KLF12: variants seen among roughly 807,000 people sequenced by gnomAD.
KLF12 encodes Krueppel-like factor 12.
A neutral mutation model predicts 37.8 loss-of-function variants in KLF12; 9 were observed. That is an observed-to-expected ratio of 0.24 (90% CI 0.14 to 0.42). The LOEUF (loss-of-function observed/expected upper bound fraction) is 0.42, where lower values mean the gene tolerates loss of function less well. Ranked by LOEUF, KLF12 falls within the 10% of genes least tolerant of loss-of-function variation. The probability of loss-of-function intolerance (pLI) is 1.00; values close to 1 mark genes in which losing one functional copy is unlikely to be tolerated. For synonymous variants in KLF12, 208 were observed against 202.1 expected (o/e 1.03, Z -0.25); for missense variants, 411 against 516.0 (o/e 0.80, Z 1.97).
chr13:74,098,033 A>AC (rs1027036872), intron 1 of KLF12, among the ~76,000 whole-genome samples: 4 of 152,186 alleles, frequency 2.6e-5, no homozygotes, highest in Admixed American at 1.3e-4. Context: ...ACTAGCCTCG[A>AC]CTATCAAATA....
At chr13:74,135,695 G>A (rs1878530087), upstream of KLF12, among the ~76,000 whole-genome samples, 2 of 151,968 alleles carry the variant, frequency 1.3e-5, no homozygotes, top group African/African-American at 4.8e-5. Context: ...GTATTCCCCT[G>A]CCCCGCGCCC....
intron 1 of KLF12, among the ~76,000 whole-genome samples, chr13:74,012,063 C>T (rs2138370899): frequency 6.6e-6 from 1 of 152,260 alleles, no homozygotes; most frequent in Non-Finnish European, 1.5e-5. Context: ...TCCCCAAAGA[C>T]ATGTTTTCTT....
chr13:74,095,637 C>T (rs147710042), intron 1 of KLF12, among the ~76,000 whole-genome samples: 68 of 152,346 alleles, frequency 4.5e-4, no homozygotes, highest in South Asian at 3.7e-3. Flanking sequence ...GATCCTCCCA[C>T]CTCAGCCTCC....
chr13:74,027,250 G>C (rs74617267), intron 1 of KLF12, among the ~76,000 whole-genome samples: 1,874 of 152,118 alleles, frequency 0.012, 28 homozygotes, highest in Non-Finnish European at 0.014. Context: ...AAAGTGTAAA[G>C]CTACTTCTTT....
At chr13:74,230,508 C>G in the KLF12 span, among the ~76,000 whole-genome samples, 9 of 152,142 alleles carry the variant, frequency 5.9e-5, no homozygotes, top group Non-Finnish European at 1.2e-4. Flanking sequence ...CATCAATTAC[C>G]TGGCAAAAAT....
At chr13:74,301,264 C>G in the KLF12 span, among the ~76,000 whole-genome samples, 3 of 152,070 alleles carry the variant, frequency 2.0e-5, no homozygotes, top group African/African-American at 7.2e-5. Flanking sequence ...CAATGTGAAC[C>G]CAGAAAAATC....
At chr13:74,150,199 T>G in the KLF12 span, among the ~76,000 whole-genome samples, 1 of 152,224 alleles carries the variant, frequency 6.6e-6, no homozygotes, top group Non-Finnish European at 1.5e-5. Context: ...ATGCTCAATA[T>G]ATATCTACTG....
chr13:73,776,155 T>G (rs1156306999), intron 5 of KLF12, among the ~76,000 whole-genome samples: 1 of 152,230 alleles, frequency 6.6e-6, no homozygotes, highest in Non-Finnish European at 1.5e-5. Context: ...AATGGATTTA[T>G]GTAGGTGTGT....
chr13:73,995,946 C>G (rs1013666681), intron 1 of KLF12, among the ~76,000 whole-genome samples: 1 of 152,194 alleles, frequency 6.6e-6, no homozygotes, highest in African/African-American at 2.4e-5. Context: ...AGAGGGGACA[C>G]ACCCTGGAGT....
At chr13:73,854,787 A>G (rs1402840566) in intron 3 of KLF12, among the ~76,000 whole-genome samples, 1 of 152,224 alleles carries the variant, frequency 6.6e-6, no homozygotes, top group Non-Finnish European at 1.5e-5. Context: ...ATACAATGTG[A>G]ACAGTTGTCA....
At chr13:74,004,996 G>C (rs1040246492) in intron 1 of KLF12, among the ~76,000 whole-genome samples, 1 of 151,012 alleles carries the variant, frequency 6.6e-6, no homozygotes, top group African/African-American at 2.4e-5. Context: ...CTTTGATAAC[G>C]TCTTTAAAAT....
the KLF12 span, among the ~76,000 whole-genome samples, chr13:74,277,663 T>A: frequency 6.6e-6 from 1 of 152,156 alleles, no homozygotes; most frequent in Non-Finnish European, 1.5e-5. Context: ...ATGAATTCTA[T>A]AGGGCTATTC....
intron 1 of KLF12, among the ~76,000 whole-genome samples, chr13:74,085,548 C>T (rs1042750739): frequency 1.3e-5 from 2 of 152,150 alleles, no homozygotes; most frequent in Admixed American, 6.5e-5. Flanking sequence ...TTTCCAGATA[C>T]AAATGTCAAA....
chr13:73,738,101 A>ATT lies in KLF12; in HGVS notation c.870-22577_870-22576insAA, dbSNP rs1877617626. Among the ~76,000 whole-genome samples, 4 of 95,826 alleles carry ATT rather than the reference A, an allele frequency of 4.2e-5. 1 individual carries two copies. The highest frequency in any genetic ancestry group is 8.4e-5 in the Non-Finnish European group (4 of 47,424). The allele number at this position is 95,826 out of a possible 152,430, so 62.9% of individuals were successfully genotyped here. A position where few individuals can be genotyped will look rare whatever the true frequency, so the allele number is the denominator to read the frequency against. On this transcript the variant is annotated intron_variant, in intron 6 of 7. Coordinates refer to ENST00000377669, the MANE Select transcript of KLF12 (RefSeq NM_007249.5). ...CATATATGTATGTGTACATATATAT[A>ATT]TATATATATATATATATATATATAC... is the stretch of plus-strand genomic sequence containing the variant.
intron 3 of KLF12, among the ~76,000 whole-genome samples, chr13:73,915,689 A>ATTTTTTTT (rs140697314): frequency 8.0e-4 from 79 of 98,980 alleles, no homozygotes; most frequent in Non-Finnish European, 8.9e-4. Flanking sequence ...ATTTTTTTGT[A>ATTTTTTTT]TTTTTTTTTT....
chr13:74,123,493 C>T (rs1877759128), intron 1 of KLF12, among the ~76,000 whole-genome samples: 1 of 152,160 alleles, frequency 6.6e-6, no homozygotes, highest in Non-Finnish European at 1.5e-5. Context: ...AGGACAAAGC[C>T]CATGTTTTAT....
intron 3 of KLF12, among the ~76,000 whole-genome samples, chr13:73,854,053 C>T (rs943464674): frequency 2.0e-5 from 3 of 152,152 alleles, no homozygotes; most frequent in Non-Finnish European, 2.9e-5. Context: ...TCACAAAGCA[C>T]ACAAAAATGT....
At chr13:73,940,262 C>G (rs1397201512) in intron 3 of KLF12, among the ~76,000 whole-genome samples, 1 of 152,170 alleles carries the variant, frequency 6.6e-6, no homozygotes, top group Non-Finnish European at 1.5e-5. Context: ...TCAAGCACTC[C>G]TTGCTGTGCC....
At chr13:74,158,022 T>G in the KLF12 span, among the ~76,000 whole-genome samples, 21 of 152,230 alleles carry the variant, frequency 1.4e-4, no homozygotes, top group Non-Finnish European at 2.8e-4. Flanking sequence ...ATTTAAAATA[T>G]TATGGCTTAA....
Sources: gnomAD v4.1 joint callset for allele counts (sites outside exome capture counted in the v4.1 genomes callset) on GRCh38, gnomAD v4.1.1 for gene constraint, MANE v1.5 for transcripts, NCBI Gene and HGNC (gene_info 2026-07-23, HGNC 2026-07-21) for gene names.